LARP4B: variants seen among roughly 807,000 people sequenced by gnomAD.
LARP4B encodes the protein la-related protein 4B.
Under a neutral mutation model 89.8 loss-of-function variants are expected in LARP4B, and 12 were observed. The ratio of observed to expected loss-of-function variants is 0.13; its 90% confidence interval spans 0.09 to 0.22. The LOEUF is 0.22. Among genes scored for constraint, LARP4B ranks in the 10% least tolerant of loss-of-function variants. LARP4B has a pLI of 1.00. For missense variants in LARP4B, 757 were observed against 947.7 expected (o/e 0.80, Z 2.64); for synonymous variants, 367 against 363.3 (o/e 1.01, Z -0.12).
In LARP4B at chr10:863,889, A is replaced by T; in HGVS notation, c.290-6T>A. On this transcript the variant is annotated splice_polypyrimidine_tract_variant and splice_region_variant and intron_variant, in intron 4 of 17. Transcript: ENST00000316157. ...ATCACCATTGGCATCCGATCCTACA[A>T]TTAGGAGTTTACCCCAAAAAGGCAG... is the stretch of plus-strand genomic sequence containing the variant. 1.2e-6 allele frequency: 2 copies of T among 1,606,880 alleles called. No homozygotes were observed. Among genetic ancestry groups the T allele is most frequent in the African/African-American group, 2.7e-5 (2 of 74,456 alleles).
chr10:983,958 C>T, the LARP4B span, among the ~76,000 whole-genome samples: 1 of 152,166 alleles, frequency 6.6e-6, no homozygotes, highest in Non-Finnish European at 1.5e-5. Context: ...AGGAAAGGCA[C>T]TTAGCTTACT....
chr10:979,729 T>A, the LARP4B span, among the ~76,000 whole-genome samples: 19 of 152,286 alleles, frequency 1.2e-4, no homozygotes, highest in Non-Finnish European at 7.3e-5. Flanking sequence ...CCCAGCACTT[T>A]GGGAGGCTGA....
the LARP4B span, among the ~76,000 whole-genome samples, chr10:943,989 T>C: frequency 6.6e-6 from 1 of 151,656 alleles, no homozygotes; most frequent in Non-Finnish European, 1.5e-5. Context: ...AGAACATGAA[T>C]AGCATGATTC....
rs1246398029 is a variant in LARP4B at position 810,839 on chromosome 10, T to G, written c.*2087A>C. The G allele has an allele frequency of 6.6e-6, 1 of 151,980 alleles. No homozygotes were observed. Among genetic ancestry groups the G allele is most frequent in the Non-Finnish European group, 1.5e-5 (1 of 68,014 alleles). The allele number at this position is 151,980 out of a possible 1,614,324, so 9.4% of individuals were successfully genotyped here. On this transcript the variant is annotated 3_prime_UTR_variant, in exon 18 of 18. Coordinates refer to ENST00000316157, the MANE Select transcript of LARP4B (RefSeq NM_015155.3). Reference sequence around the variant, plus strand: ...ACAACTACAAAAAAAAATCCCCATGTTCTTTAAAATGCATTTGAAAAACAC... The same window carrying G: ...ACAACTACAAAAAAAAATCCCCATGGTCTTTAAAATGCATTTGAAAAACAC...
upstream of LARP4B, among the ~76,000 whole-genome samples, chr10:934,637 C>T (rs1415984213): frequency 6.6e-6 from 1 of 152,096 alleles, no homozygotes; most frequent in Non-Finnish European, 1.5e-5. Context: ...GAAGAAACAT[C>T]CATTTTCACC....
chr10:885,691 C>G lies in LARP4B; in HGVS notation c.31G>C (p.Ala11Pro). Residue 11 changes from alanine to proline, a missense_variant, in exon 2 of 18, where the codon GCT becomes CCT. Physicochemically the swap from Ala to Pro is conservative, Grantham distance 27. Around this residue, in one of 5 missense-constraint regions of LARP4B, gnomAD observed 175 missense variants for 187.0 expected, o/e 0.94. Coordinates refer to ENST00000316157, the MANE Select transcript of LARP4B (RefSeq NM_015155.3). MTSDQDAKVV[A>P]EPQTQRVQEG... ...TGGACTCTCTGCGTCTGCGGTTCAG[C>G]CACAACCTTAGCGTCCTGATCAGAA... is the stretch of plus-strand genomic sequence containing the variant. 6.2e-7 allele frequency: 1 copy of G among 1,614,144 alleles called. No homozygotes were observed. The highest frequency in any genetic ancestry group is 8.5e-7 in the Non-Finnish European group (1 of 1,179,998).
intron 1 of LARP4B, among the ~76,000 whole-genome samples, chr10:930,489 C>T (rs1837266794): frequency 6.6e-6 from 1 of 152,184 alleles, no homozygotes; most frequent in Admixed American, 6.5e-5. Flanking sequence ...TCTCAAGTTT[C>T]ATCTCAGCCA....
At chr10:838,584 C>G (rs189354016) in intron 7 of LARP4B, among the ~76,000 whole-genome samples, 33 of 152,252 alleles carry the variant, frequency 2.2e-4, no homozygotes, top group African/African-American at 7.7e-4. Flanking sequence ...CCTGTCAGCA[C>G]AGCAAAAATC....
chr10:810,978 A>T lies in LARP4B; in HGVS notation c.*1948T>A, dbSNP rs4229. The T allele has an allele frequency of 0.41, 62,348 of 152,118 alleles. 13,307 individuals are homozygous for T. The highest frequency in any genetic ancestry group is 0.49 in the South Asian group (2,342 of 4,822). The allele number at this position is 152,118 out of a possible 1,614,324, so 9.4% of individuals were successfully genotyped here. The stretch of plus-strand genomic sequence containing the variant: ...AATCATGCTTAGCTGCAGGTGATTT[A>T]AATTAGATTACTAGTCACCTTCACT... On this transcript the variant is annotated 3_prime_UTR_variant, in exon 18 of 18. Transcript: ENST00000316157.
At chr10:858,483 A>G (rs554756820) in intron 5 of LARP4B, among the ~76,000 whole-genome samples, 1 of 152,340 alleles carries the variant, frequency 6.6e-6, no homozygotes, top group Admixed American at 6.5e-5. Flanking sequence ...TAATAAATTC[A>G]ACAATGTTAT....
At chr10:986,466 G>C in the LARP4B span, 1 of 152,218 alleles carries the variant, frequency 6.6e-6, no homozygotes, top group Non-Finnish European at 1.5e-5. Context: ...CTTGCTCCTA[G>C]TGGTGTAGAA....
At chr10:935,533 A>T (rs753061798), upstream of LARP4B, among the ~76,000 whole-genome samples, 3 of 152,108 alleles carry the variant, frequency 2.0e-5, no homozygotes, top group Non-Finnish European at 4.4e-5. Context: ...ATCACATCAT[A>T]CAATTTTCAG....
chr10:958,569 C>T, the LARP4B span, among the ~76,000 whole-genome samples: 1 of 152,232 alleles, frequency 6.6e-6, no homozygotes, highest in Admixed American at 6.5e-5. Flanking sequence ...GGGGCCTCTG[C>T]ACACCCCACA....
intron 1 of LARP4B, among the ~76,000 whole-genome samples, chr10:900,111 C>T (rs971127121): frequency 6.6e-6 from 1 of 151,978 alleles, no homozygotes; most frequent in Non-Finnish European, 1.5e-5. Flanking sequence ...TTTGGGAGGC[C>T]GAGGCGGGTG....
intron 1 of LARP4B, among the ~76,000 whole-genome samples, chr10:889,684 A>T (rs757479722): frequency 1.5e-4 from 23 of 152,178 alleles, no homozygotes; most frequent in Non-Finnish European, 2.6e-4. Context: ...ACAACGTAAG[A>T]AGTAACTGGC....
rs1246026565 is a variant in LARP4B, at chr10:900,618, C to A, written c.-39-14858G>T. Reference sequence around the variant, plus strand: ...GCCCAGCTAAAAAAGGATATATTTCCTTTTTTTTTTTTTTTTTGTGAGAAG... The same window carrying A: ...GCCCAGCTAAAAAAGGATATATTTCATTTTTTTTTTTTTTTTTGTGAGAAG... On this transcript the variant is annotated intron_variant, in intron 1 of 17. Transcript: ENST00000316157. 3.4e-5 allele frequency among the ~76,000 whole-genome samples: 4 copies of A among 118,998 alleles called. No homozygotes were observed. In the East Asian group the frequency reaches 9.1e-4, roughly 27 times the overall value. 78.1% of individuals were successfully genotyped at this position (118,998 alleles called of 152,430 possible).
chr10:972,573 C>T, the LARP4B span: 4 of 457,270 alleles, frequency 8.7e-6, no homozygotes, highest in South Asian at 6.2e-5. Context: ...ATCACACAGC[C>T]ACAGCGTCAG....
chr10:953,890 A>T, the LARP4B span, among the ~76,000 whole-genome samples: 24 of 152,366 alleles, frequency 1.6e-4, no homozygotes, highest in East Asian at 4.2e-3. Flanking sequence ...GACTAACAGG[A>T]CATGAAGAAT....
At chr10:909,154 C>T (rs1391469824) in intron 1 of LARP4B, among the ~76,000 whole-genome samples, 1 of 152,036 alleles carries the variant, frequency 6.6e-6, no homozygotes, top group Non-Finnish European at 1.5e-5. Context: ...ATTAGCCGGG[C>T]ATGGTGGTGG....
Sources: allele counts gnomAD v4.1 joint callset (sites outside exome capture counted in the v4.1 genomes callset), GRCh38; gene constraint gnomAD v4.1.1; regional missense constraint gnomAD v4.1.1; transcripts MANE v1.5; gene names NCBI Gene and HGNC (gene_info 2026-07-23, HGNC 2026-07-21).